The following ADGRL3 variants were observed in gnomAD, a reference collection of about 807,000 sequenced individuals.
ADGRL3 encodes the protein calcium-independent alpha-latrotoxin receptor 3.
Under a neutral mutation model 153.5 loss-of-function variants are expected in ADGRL3, and 62 were observed. The ratio of observed to expected loss-of-function variants is 0.40; its 90% CI spans 0.33 to 0.50. The LOEUF (loss-of-function observed/expected upper bound fraction) is 0.50, where lower values mean the gene tolerates loss of function less well. Ranked by LOEUF, ADGRL3 falls within the 20% of genes least tolerant of loss-of-function variation. The pLI is 0.47. For synonymous variants in ADGRL3, 710 were observed against 672.5 expected (o/e 1.06, Z -0.86); for missense variants, 1,641 against 1,859.4 (o/e 0.88, Z 2.16).
At chr4:61,426,622 T>C (rs1413637980) in intron 2 of ADGRL3, 1 of 152,210 alleles carries the variant, frequency 6.6e-6, no homozygotes, top group African/African-American at 2.4e-5. Context: ...GAGAGTGGAT[T>C]GCCAGTTCCA....
intron 1 of ADGRL3, among the ~76,000 whole-genome samples, chr4:61,275,243 G>A (rs1254289214): frequency 6.6e-6 from 1 of 152,126 alleles, no homozygotes; most frequent in African/African-American, 2.4e-5. Context: ...TATTATCAGA[G>A]TAACTATCTT....
intron 9 of ADGRL3, among the ~76,000 whole-genome samples, chr4:61,857,019 T>TCTTC (rs2098281279): frequency 3.0e-4 from 43 of 145,540 alleles, no homozygotes; most frequent in African/African-American, 1.1e-3. Flanking sequence ...TTTCTTTCCT[T>TCTTC]CCTCCCTTCC....
intron 1 of ADGRL3, among the ~76,000 whole-genome samples, chr4:61,378,988 A>G (rs2096636922): frequency 6.6e-6 from 1 of 151,982 alleles, no homozygotes. Flanking sequence ...CGTGAATTAT[A>G]GCTTTCTAAT....
rs1473173100 is a variant in ADGRL3, at chr4:61,203,964, C to T, written c.-240+2199C>T. 2.0e-5 allele frequency among the ~76,000 whole-genome samples: 3 copies of T among 150,922 alleles called. No individual in the cohort carries two copies. In the East Asian group the frequency reaches 5.9e-4, roughly 30 times the overall value. ...AGGGTAAAGACTGTACATAGATAAA[C>T]ACAGTTTATAAAGTGTTACTTTTGC... On this transcript the variant is annotated intron_variant, in intron 1 of 26. Coordinates refer to ENST00000683033, the MANE Select transcript of ADGRL3 (RefSeq NM_001387552.1).
At position 62,075,738 on chromosome 4, in the gene ADGRL3, C is replaced by G. The variant is rs1414997860; in HGVS notation, c.*4830C>G. ...AACATTGCACAATAGCTTATGGAAG[C>G]ATTTTTGTGCGAATGGATTTTACAT... On this transcript the variant is annotated 3_prime_UTR_variant, in exon 27 of 27. Transcript: ENST00000683033. 1 of 151,922 alleles carries G rather than the reference C, an allele frequency of 6.6e-6. No homozygotes were observed. The highest frequency in any genetic ancestry group is 1.5e-5 in the Non-Finnish European group (1 of 68,006). 9.4% of individuals were successfully genotyped at this position (151,922 alleles called of 1,614,324 possible).
chr4:61,667,363 A>AT (rs2094835999), intron 5 of ADGRL3, among the ~76,000 whole-genome samples: 1 of 152,228 alleles, frequency 6.6e-6, no homozygotes. Flanking sequence ...AGAAGTTAGT[A>AT]TTTTTTTAAA....
chr4:61,424,324 ACAGC>A (rs1360593748), intron 2 of ADGRL3, among the ~76,000 whole-genome samples: 1 of 152,072 alleles, frequency 6.6e-6, no homozygotes, highest in Non-Finnish European at 1.5e-5. Flanking sequence ...TGACTGCCGC[ACAGC>A]CATTTTCCTT....
chr4:61,696,721 G>A (rs2095650254), intron 6 of ADGRL3, among the ~76,000 whole-genome samples: 1 of 130,684 alleles, frequency 7.7e-6, no homozygotes, highest in African/African-American at 3.0e-5. Context: ...TCTCGCCCAG[G>A]CTGGAGTGCA....
intron 4 of ADGRL3, among the ~76,000 whole-genome samples, chr4:61,577,083 A>T (rs1315145911): frequency 6.6e-6 from 1 of 151,982 alleles, no homozygotes; most frequent in Non-Finnish European, 1.5e-5. Flanking sequence ...TACTTTCCCT[A>T]GGGACAAAAC....
intron 6 of ADGRL3, among the ~76,000 whole-genome samples, chr4:61,712,142 C>T (rs2096005154): frequency 6.6e-6 from 1 of 152,010 alleles, no homozygotes; most frequent in Non-Finnish European, 1.5e-5. Flanking sequence ...GAGTATAATC[C>T]TAGCACTTTG....
chr4:61,792,333 C>T (rs2097353087), intron 8 of ADGRL3, among the ~76,000 whole-genome samples: 1 of 152,158 alleles, frequency 6.6e-6, no homozygotes, highest in Admixed American at 6.5e-5. Flanking sequence ...TAGCAAGAGT[C>T]ACCTTTGCTC....
intron 5 of ADGRL3, among the ~76,000 whole-genome samples, chr4:61,617,685 C>A (rs1457144379): frequency 6.6e-6 from 1 of 152,148 alleles, no homozygotes; most frequent in African/African-American, 2.4e-5. Flanking sequence ...CCAAATCAAG[C>A]CACTTCAATG....
intron 23 of ADGRL3, among the ~76,000 whole-genome samples, chr4:62,036,169 T>C (rs987502133): frequency 6.6e-6 from 1 of 152,140 alleles, no homozygotes. Flanking sequence ...ACATTAAAAA[T>C]AAGTAATTTT....
intron 21 of ADGRL3, among the ~76,000 whole-genome samples, chr4:62,017,113 G>A (rs926211835): frequency 6.6e-6 from 1 of 151,998 alleles, no homozygotes; most frequent in Admixed American, 6.6e-5. Flanking sequence ...TTTCTATGGA[G>A]ATGATGATAT....
In ADGRL3 at chr4:61,947,083, T is replaced by C; in HGVS notation, c.2589T>C (p.Tyr863=). The C allele has an allele frequency of 6.2e-7, 1 of 1,613,872 alleles. No individual in the cohort carries two copies. Among genetic ancestry groups the C allele is most frequent in the Non-Finnish European group, 8.5e-7 (1 of 1,179,814 alleles). The change falls in exon 16 of 27, where the codon TAT becomes TAC. Residue 863 remains tyrosine (Y), a synonymous_variant. Transcript: ENST00000683033. ...ACAAAGAGTTCAGTAACAAGGTTTA[T>C]TTGGCTGATCCTGTGGTATTTACTG... The part of the protein sequence containing the change: ...AINKEFSNKV[Y]LADPVVFTVK...
chr4:61,465,758 AAT>A (rs10701021), intron 2 of ADGRL3, among the ~76,000 whole-genome samples: 78 of 130,156 alleles, frequency 6.0e-4, no homozygotes, highest in African/African-American at 1.9e-3. Context: ...ATTATATATA[AAT>A]ATATATATAT....
chr4:61,249,083 G>A (rs973284726), intron 1 of ADGRL3, among the ~76,000 whole-genome samples: 4 of 152,120 alleles, frequency 2.6e-5, no homozygotes, highest in African/African-American at 9.7e-5. Context: ...TAGACAATTA[G>A]AGTCTTCGTG....
chr4:61,653,170 T>TCTCTCACACA (rs1212952330), intron 5 of ADGRL3, among the ~76,000 whole-genome samples: 2 of 90,966 alleles, frequency 2.2e-5, no homozygotes, highest in African/African-American at 6.5e-5. Flanking sequence ...TCTCTCTCTC[T>TCTCTCACACA]CACACACACA....
chr4:61,828,999 T>A (rs1868790), intron 9 of ADGRL3, among the ~76,000 whole-genome samples: 59,681 of 152,004 alleles, frequency 0.39, 12,624 homozygotes, highest in East Asian at 0.62. Context: ...TGTAGGGAAA[T>A]GATTTGTTTT....
Sources: allele counts gnomAD v4.1 joint callset (sites outside exome capture counted in the v4.1 genomes callset), GRCh38; gene constraint gnomAD v4.1.1; transcripts MANE v1.5; gene names NCBI Gene and HGNC (gene_info 2026-07-23, HGNC 2026-07-21).